Variants in MAPKAPK5 observed in about 807,000 individuals in gnomAD.
The protein encoded by MAPKAPK5 is MAP kinase-activated protein kinase 5.
MAPKAPK5 carries 30 observed loss-of-function variants against 65.1 expected under a neutral mutation model. That is an observed-to-expected ratio of 0.46 (90% CI 0.34 to 0.63). MAPKAPK5 has a LOEUF of 0.63. Among genes scored for constraint, MAPKAPK5 ranks in the 20% least tolerant of loss-of-function variants. The pLI is 0.01. For synonymous variants in MAPKAPK5, 179 were observed against 204.6 expected, an observed-to-expected ratio of 0.87 and a Z score of 1.07; for missense variants, 433 against 581.4, an observed-to-expected ratio of 0.74 and a Z score of 2.63.
chr12:111,849,443 A>G (rs930106564), intron 1 of MAPKAPK5, among the ~76,000 whole-genome samples: 68 of 150,734 alleles, frequency 4.5e-4, no homozygotes, highest in African/African-American at 1.6e-3. Flanking sequence ...TTTAGTAGAG[A>G]CTAAAAATTT....
rs2069817494 is a variant in MAPKAPK5 at position 111,872,548 on chromosome 12, CAT to C, written c.579+1371_579+1372del. 2.0e-5 allele frequency among the ~76,000 whole-genome samples: 3 copies of C among 152,268 alleles called. No homozygotes were observed. In the South Asian group the frequency reaches 6.2e-4, roughly 32 times the overall value. ...TGTTGTATTCTTACTGCTGCTGTAA[CAT>C]ATTGTCACAAACTTAGTAGATAAAA... On this transcript the variant is annotated intron_variant, in intron 7 of 13. Coordinates refer to ENST00000550735, the MANE Select transcript of MAPKAPK5 (RefSeq NM_003668.4).
chr12:111,855,853 C>CTTTTTTTTT (rs144921229), intron 1 of MAPKAPK5, among the ~76,000 whole-genome samples: 4 of 135,746 alleles, frequency 2.9e-5, no homozygotes, highest in Non-Finnish European at 4.7e-5. Context: ...TGTTTAATTT[C>CTTTTTTTTT]TTTTTTTTTT....
Position 111,901,127 on chromosome 12 carries a change from C to T in MAPKAPK5, c.*8066C>T, listed in dbSNP as rs1280311659. On this transcript the variant is annotated 3_prime_UTR_variant, in exon 14 of 14. Transcript: ENST00000550735. ...CTCAGGGAGATGGCTCATGTTGGAG[C>T]ATGGATGCCTATATGAGTACTGACA... is the stretch of plus-strand genomic sequence containing the variant. 2.2e-6 allele frequency: 1 copy of T among 455,978 alleles called. No homozygotes were observed. Among genetic ancestry groups the T allele is most frequent in the African/African-American group, 2.0e-5 (1 of 50,078 alleles). The allele number at this position is 455,978 out of a possible 1,614,324, so 28.2% of individuals were successfully genotyped here. A position where few individuals can be genotyped will look rare whatever the true frequency, so the allele number is the denominator to read the frequency against.
In MAPKAPK5 at chr12:111,898,926, G is replaced by C. The variant is rs1372232490; in HGVS notation, c.*5865G>C. On this transcript the variant is annotated 3_prime_UTR_variant, in exon 14 of 14. Transcript: ENST00000550735. ...TTGTGTGGCCTGAGCTGAGGATAAAGAATAATTTGCCTGAGGAGTTACAGT... is the reference window on the plus strand; with the variant it reads ...TTGTGTGGCCTGAGCTGAGGATAAACAATAATTTGCCTGAGGAGTTACAGT... 1 of 145,974 alleles carries C rather than the reference G, an allele frequency of 6.9e-6. No individual in the cohort carries two copies. Among genetic ancestry groups the C allele is most frequent in the African/African-American group, 2.5e-5 (1 of 39,306 alleles). 9.0% of individuals were successfully genotyped at this position (145,974 alleles called of 1,614,324 possible). A position where few individuals can be genotyped will look rare whatever the true frequency, so the allele number is the denominator to read the frequency against.
intron 13 of MAPKAPK5, 21 bp from the exon 14 acceptor site, chr12:111,892,946 T>C: frequency 6.5e-7 from 1 of 1,538,496 alleles, no homozygotes; most frequent in Non-Finnish European, 8.8e-7. Flanking sequence ...AGGACTGACC[T>C]TGTTCTTTTT....
At chr12:111,855,249 A>T (rs977669466) in intron 1 of MAPKAPK5, among the ~76,000 whole-genome samples, 2 of 151,102 alleles carry the variant, frequency 1.3e-5, no homozygotes, top group Non-Finnish European at 3.0e-5. Flanking sequence ...GATTTTCTCT[A>T]TTTTTCTGTA....
At chr12:111,889,202 T>C in intron 12 of MAPKAPK5, 1 of 492,330 alleles carries the variant, frequency 2.0e-6, no homozygotes, top group South Asian at 4.2e-5. Context: ...AGAAATGCAG[T>C]TAAGTTCTGC....
At chr12:111,857,684 G>A (rs1213110497) in intron 1 of MAPKAPK5, among the ~76,000 whole-genome samples, 1 of 152,142 alleles carries the variant, frequency 6.6e-6, no homozygotes, top group Non-Finnish European at 1.5e-5. Context: ...TTATTTCACT[G>A]TTAATTTTTG....
intron 7 of MAPKAPK5, among the ~76,000 whole-genome samples, 152 bp downstream of exon 7, chr12:111,871,332 A>G (rs1380456838): frequency 6.6e-6 from 1 of 152,134 alleles, no homozygotes; most frequent in East Asian, 1.9e-4. Flanking sequence ...TTTGGTGTAG[A>G]TCTTTTATTC....
intron 13 of MAPKAPK5, among the ~76,000 whole-genome samples, chr12:111,890,942 G>A (rs533852946): frequency 6.6e-6 from 1 of 152,204 alleles, no homozygotes; most frequent in Admixed American, 6.5e-5. Context: ...ACAGGCGTGA[G>A]CCTCTGTGCC....
chr12:111,856,776 A>G (rs896557366), intron 1 of MAPKAPK5, among the ~76,000 whole-genome samples: 1 of 152,194 alleles, frequency 6.6e-6, no homozygotes, highest in African/African-American at 2.4e-5. Context: ...CAGAAAATAC[A>G]GTGTTGTAGT....
In MAPKAPK5 at chr12:111,883,822, G is replaced by A; in HGVS notation, c.848+54G>A. 1 of 1,561,808 alleles carries A rather than the reference G, an allele frequency of 6.4e-7. No individual in the cohort carries two copies. The highest frequency in any genetic ancestry group is 8.7e-7 in the Non-Finnish European group (1 of 1,152,340). On this transcript the variant is annotated intron_variant, in intron 9 of 13. Transcript: ENST00000550735. The surrounding 1 kb of genome is among the most constrained non-coding windows in gnomAD (Gnocchi z 4.8). ...GCCAAGGAGGCCTCCAGGTGGTGGA[G>A]CACAAGGGAATGTGGGTAGAGAAAA...
At chr12:111,891,663 C>T (rs974909559) in intron 13 of MAPKAPK5, among the ~76,000 whole-genome samples, 14 of 146,888 alleles carry the variant, frequency 9.5e-5, no homozygotes, top group East Asian at 4.0e-4. Context: ...AAAAATTAGC[C>T]GGGCATGGTG....
chr12:111,877,714 T>C (rs2070036700), intron 7 of MAPKAPK5, among the ~76,000 whole-genome samples: 3 of 152,210 alleles, frequency 2.0e-5, no homozygotes, highest in Admixed American at 6.5e-5. Flanking sequence ...AGGGTCTTGC[T>C]CTGCCACCCA....
At chr12:111,853,366 C>T (rs1005728651) in intron 1 of MAPKAPK5, among the ~76,000 whole-genome samples, 4 of 150,652 alleles carry the variant, frequency 2.7e-5, no homozygotes, top group Non-Finnish European at 1.5e-5. Flanking sequence ...AGCGAAACTT[C>T]GTCTCAAAAA....
chr12:111,857,715 T>C (rs754277212), intron 1 of MAPKAPK5, among the ~76,000 whole-genome samples: 13 of 152,230 alleles, frequency 8.5e-5, no homozygotes, highest in Non-Finnish European at 1.8e-4. Context: ...TTGTTCAATA[T>C]AGAATTTATG....
chr12:111,892,699 A>G (rs910078198), intron 13 of MAPKAPK5, among the ~76,000 whole-genome samples: 1 of 151,968 alleles, frequency 6.6e-6, no homozygotes. Context: ...GTCTTTTGTC[A>G]GCTGTATGTA....
At chr12:111,850,902 T>TC (rs1389892313) in intron 1 of MAPKAPK5, among the ~76,000 whole-genome samples, 1 of 138,062 alleles carries the variant, frequency 7.2e-6, no homozygotes, top group African/African-American at 2.8e-5. Context: ...CCATTTTCTT[T>TC]TTTTTTTTTT....
chr12:111,881,128 C>T (rs1342417873), intron 8 of MAPKAPK5, among the ~76,000 whole-genome samples: 3 of 151,964 alleles, frequency 2.0e-5, no homozygotes, highest in Admixed American at 2.0e-4. Flanking sequence ...GGCTGGAGTA[C>T]AGTGGTGTGA....
Sources: gnomAD v4.1 joint callset for allele counts (sites outside exome capture counted in the v4.1 genomes callset) on GRCh38, gnomAD v4.1.1 for gene constraint, Gnocchi (gnomAD v3.1) non-coding constraint, MANE v1.5 for transcripts, NCBI Gene and HGNC (gene_info 2026-07-23, HGNC 2026-07-21) for gene names.